Variants in MEF2A observed in about 807,000 individuals in gnomAD.
The protein encoded by MEF2A is myocyte-specific enhancer factor 2A.
MEF2A carries 28 observed loss-of-function variants against 55.8 expected under a neutral mutation model. That is an observed-to-expected ratio of 0.50 (90% confidence interval 0.37 to 0.69). The LOEUF (loss-of-function observed/expected upper bound fraction) is 0.69, where lower values mean the gene tolerates loss of function less well. Ranked by LOEUF, MEF2A falls within the 30% of genes least tolerant of loss-of-function variation. The pLI, the probability that MEF2A is intolerant of heterozygous loss-of-function variation, is 0.00. For synonymous variants in MEF2A, 239 were observed against 227.1 expected (o/e 1.05, Z -0.47); for missense variants, 528 against 626.2 (o/e 0.84, Z 1.67).
chr15:99,646,954 A>G (rs2046060544), intron 4 of MEF2A, among the ~76,000 whole-genome samples: 1 of 152,066 alleles, frequency 6.6e-6, no homozygotes, highest in Admixed American at 6.6e-5. Flanking sequence ...ACTTATCCAT[A>G]GTTTTATTTA....
Position 99,617,934 on chromosome 15 carries a change from A to C in MEF2A, c.-142-15044A>C, listed in dbSNP as rs975873276. 3.9e-5 allele frequency among the ~76,000 whole-genome samples: 6 copies of C among 152,178 alleles called. No individual in the cohort carries two copies. The South Asian group carries it at 1.2e-3, about 31-fold the overall frequency. On this transcript the variant is annotated intron_variant, in intron 2 of 11. Transcript: ENST00000557942. The stretch of plus-strand genomic sequence containing the variant: ...CCCAAAGGAATATGAATTGTTGTCT[A>C]GATACCTAACAGTGTTTATTTGTAA...
chr15:99,614,276 G>A (rs1422998031), intron 2 of MEF2A, among the ~76,000 whole-genome samples: 3 of 151,664 alleles, frequency 2.0e-5, no homozygotes, highest in African/African-American at 7.3e-5. Context: ...TTTTTTTGGA[G>A]ATGAGGTCTC....
chr15:99,649,557 GTAATT>G (rs1454281436), intron 4 of MEF2A, among the ~76,000 whole-genome samples: 6 of 152,218 alleles, frequency 3.9e-5, no homozygotes, highest in Non-Finnish European at 7.4e-5. Flanking sequence ...ATAAAATGTA[GTAATT>G]TAATTTAAAT....
chr15:99,695,541 T>TTGTGTGTG (rs3979129), intron 8 of MEF2A, among the ~76,000 whole-genome samples: 43,376 of 144,732 alleles, frequency 0.3, 7,821 homozygotes, highest in Middle Eastern at 0.43. Context: ...ATTGTCAGAT[T>TTGTGTGTG]TGTGTGTGTG....
In MEF2A at chr15:99,633,181, A is replaced by G. The variant is rs748005359; in HGVS notation, c.54+8A>G. The G allele has an allele frequency of 8.4e-6, 13 of 1,547,788 alleles. No individual in the cohort carries two copies. Among genetic ancestry groups the G allele is most frequent in the East Asian group, 2.4e-5 (1 of 42,082 alleles). On this transcript the variant is annotated splice_region_variant and intron_variant, in intron 3 of 11. Coordinates refer to ENST00000557942, the MANE Select transcript of MEF2A (RefSeq NM_001319206.4). ...GATGAAAGGAACCGACAGGTAAATG[A>G]AAATTTTAATTTATTTAATTGATAT...
chr15:99,711,618 G>A (rs1000385849), intron 11 of MEF2A, among the ~76,000 whole-genome samples: 3 of 152,180 alleles, frequency 2.0e-5, no homozygotes, highest in South Asian at 2.1e-4. Context: ...GAATACCCCA[G>A]GCCCCTAGCC....
chr15:99,581,792 C>T (rs780591307), intron 1 of MEF2A, among the ~76,000 whole-genome samples: 9 of 151,984 alleles, frequency 5.9e-5, no homozygotes, highest in Admixed American at 4.6e-4. Context: ...TTAGGGAGTT[C>T]AGGAGAGGAA....
At chr15:99,611,392 A>G (rs538472185) in intron 2 of MEF2A, among the ~76,000 whole-genome samples, 3 of 152,230 alleles carry the variant, frequency 2.0e-5, no homozygotes, top group Non-Finnish European at 4.4e-5. Context: ...TCCGAAGAAG[A>G]TAAATAAATG....
At position 99,650,385 on chromosome 15, in the gene MEF2A, G is replaced by A. The variant is rs116792578; in HGVS notation, c.258+4621G>A. 4.8e-3 allele frequency among the ~76,000 whole-genome samples: 736 copies of A among 152,276 alleles called. 3 individuals carry two copies. The highest frequency in any genetic ancestry group is 0.017 in the African/African-American group (710 of 41,546). ...ATCATGTACGATCTATAGCAGTCACGAATAAGTTTTCCTCAGTAATGAACA... is the reference window on the plus strand; with the variant it reads ...ATCATGTACGATCTATAGCAGTCACAAATAAGTTTTCCTCAGTAATGAACA... On this transcript the variant is annotated intron_variant, in intron 4 of 11. Transcript: ENST00000557942.
intron 2 of MEF2A, among the ~76,000 whole-genome samples, chr15:99,602,249 A>G (rs896532237): frequency 2.0e-5 from 3 of 152,066 alleles, no homozygotes; most frequent in Non-Finnish European, 4.4e-5. Flanking sequence ...AGGGTTTTAT[A>G]TGTTGGCATA....
At chr15:99,645,857 C>A in intron 4 of MEF2A, 93 bp downstream of exon 4, 1 of 883,784 alleles carries the variant, frequency 1.1e-6, no homozygotes, top group Non-Finnish European at 1.7e-6. Flanking sequence ...ACATCTAAAA[C>A]ATAAATTAGG....
chr15:99,702,167 G>T (rs923462041), intron 8 of MEF2A, among the ~76,000 whole-genome samples: 28 of 152,164 alleles, frequency 1.8e-4, no homozygotes, highest in African/African-American at 6.8e-4. Flanking sequence ...ATAGCATCTT[G>T]CCCACATTGG....
chr15:99,642,753 T>C (rs1002618259), intron 3 of MEF2A, among the ~76,000 whole-genome samples: 2 of 152,226 alleles, frequency 1.3e-5, no homozygotes, highest in African/African-American at 4.8e-5. Flanking sequence ...GTGAATCTTG[T>C]AGCACTAATC....
chr15:99,599,140 A>G lies in MEF2A; in HGVS notation c.-143+629A>G, dbSNP rs548552958. 4.6e-5 allele frequency among the ~76,000 whole-genome samples: 7 copies of G among 152,216 alleles called. No homozygotes were observed. In the East Asian group the frequency reaches 1.2e-3, roughly 25 times the overall value. ...ATCTCAGTAAGATGTGTAGTCCTCAAAAGTTTTCATATGTGTAGTCCTCAA... is the reference window on the plus strand; with the variant it reads ...ATCTCAGTAAGATGTGTAGTCCTCAGAAGTTTTCATATGTGTAGTCCTCAA... On this transcript the variant is annotated intron_variant, in intron 2 of 11. Coordinates refer to ENST00000557942, the MANE Select transcript of MEF2A (RefSeq NM_001319206.4).
intron 1 of MEF2A, among the ~76,000 whole-genome samples, chr15:99,595,140 C>T (rs1203946969): frequency 6.6e-6 from 1 of 152,142 alleles, no homozygotes; most frequent in Non-Finnish European, 1.5e-5. Flanking sequence ...GAAGTTGCTT[C>T]TTTAGTATTT....
In MEF2A at chr15:99,706,794, A is replaced by C; in HGVS notation, c.948A>C (p.Thr316=). 1 of 1,614,024 alleles carries C rather than the reference A, an allele frequency of 6.2e-7. No homozygotes were observed. The highest frequency in any genetic ancestry group is 8.5e-7 in the Non-Finnish European group (1 of 1,179,880). Residue 316 remains threonine (T), a synonymous_variant, in exon 10 of 12, where the codon ACA becomes ACC. Coordinates refer to ENST00000557942, the MANE Select transcript of MEF2A (RefSeq NM_001319206.4). ...QPLATPVVSV[T]TPSLPPQGLV... The stretch of plus-strand genomic sequence containing the variant: ...TTGCTACCCCAGTCGTGTCTGTGAC[A>C]ACCCCAAGCTTGCCTCCGCAAGGAC...
At chr15:99,603,524 C>T (rs756505809) in intron 2 of MEF2A, among the ~76,000 whole-genome samples, 2 of 118,454 alleles carry the variant, frequency 1.7e-5, no homozygotes, top group African/African-American at 3.0e-5. Context: ...AGGCATGCAG[C>T]CATCACACCT....
At chr15:99,639,320 G>C (rs577575616) in intron 3 of MEF2A, among the ~76,000 whole-genome samples, 2 of 151,784 alleles carry the variant, frequency 1.3e-5, no homozygotes, top group African/African-American at 2.4e-5. Context: ...TTTTTAACAG[G>C]TATTATTTAA....
intron 1 of MEF2A, among the ~76,000 whole-genome samples, chr15:99,575,043 C>G (rs1236435815): frequency 6.5e-5 from 6 of 92,638 alleles, no homozygotes; most frequent in Admixed American, 4.2e-4. Context: ...TCCTTTTTTT[C>G]TCTTTTTTGT....
Sources: gnomAD v4.1 joint callset for allele counts (sites outside exome capture counted in the v4.1 genomes callset) on GRCh38, gnomAD v4.1.1 for gene constraint, MANE v1.5 for transcripts, NCBI Gene and HGNC (gene_info 2026-07-23, HGNC 2026-07-21) for gene names.